PRR16: variants seen among roughly 807,000 people sequenced by gnomAD.
The protein encoded by PRR16 is protein Largen.
PRR16 carries 6 observed loss-of-function variants against 18.2 expected under a neutral mutation model. That is an observed-to-expected ratio of 0.33 (90% confidence interval 0.18 to 0.65). PRR16 has a LOEUF of 0.65. PRR16 is among the 30% of genes least tolerant of loss of function. The pLI is 0.74. For synonymous variants in PRR16, 151 were observed against 147.8 expected (o/e 1.02, Z -0.16); for missense variants, 412 against 376.6 (o/e 1.09, Z -0.78).
intron 1 of PRR16, among the ~76,000 whole-genome samples, chr5:120,492,222 C>A (rs1342722096): frequency 6.7e-6 from 1 of 150,234 alleles, no homozygotes; most frequent in African/African-American, 2.5e-5. Flanking sequence ...GTAGCTGAGA[C>A]TGCAGGCATG....
At chr5:120,508,423 G>C (rs1750714701) in intron 1 of PRR16, among the ~76,000 whole-genome samples, 1 of 152,080 alleles carries the variant, frequency 6.6e-6, no homozygotes, top group Non-Finnish European at 1.5e-5. Context: ...ATAACTTAAA[G>C]GAGAATGTGT....
At chr5:120,766,345 T>C in the PRR16 span, among the ~76,000 whole-genome samples, 6,746 of 152,046 alleles carry the variant, frequency 0.044, 513 homozygotes, top group African/African-American at 0.15. Flanking sequence ...TTTCTTTTTC[T>C]TAATAAAGTT....
chr5:120,642,018 C>G (rs1755439197), intron 1 of PRR16, among the ~76,000 whole-genome samples: 1 of 152,034 alleles, frequency 6.6e-6, no homozygotes, highest in Non-Finnish European at 1.5e-5. Context: ...CTGTAGCCTT[C>G]CTTTTCTCTT....
intron 1 of PRR16, among the ~76,000 whole-genome samples, chr5:120,676,869 T>C (rs1277033004): frequency 2.6e-5 from 4 of 152,162 alleles, no homozygotes; most frequent in East Asian, 1.9e-4. Flanking sequence ...ATAATGGACA[T>C]TGGACATTTT....
chr5:120,663,421 A>T (rs1328464694), intron 1 of PRR16, among the ~76,000 whole-genome samples: 2 of 151,280 alleles, frequency 1.3e-5, no homozygotes, highest in Non-Finnish European at 2.9e-5. Context: ...GCTGTTGAAA[A>T]GGTTAAAAAG....
chr5:120,488,983 G>A (rs1749919842), intron 1 of PRR16, among the ~76,000 whole-genome samples: 1 of 152,122 alleles, frequency 6.6e-6, no homozygotes, highest in Non-Finnish European at 1.5e-5. Flanking sequence ...TCTTAATCCT[G>A]AGTTCTAGTT....
At chr5:120,608,054 T>A (rs1481929260) in intron 1 of PRR16, among the ~76,000 whole-genome samples, 1 of 152,204 alleles carries the variant, frequency 6.6e-6, no homozygotes, top group Non-Finnish European at 1.5e-5. Flanking sequence ...ATAATTTGGC[T>A]ACATGTTCTT....
chr5:120,682,332 G>C (rs1476010598), intron 1 of PRR16, among the ~76,000 whole-genome samples: 1 of 152,156 alleles, frequency 6.6e-6, no homozygotes, highest in Non-Finnish European at 1.5e-5. Context: ...CAGAGCGCTT[G>C]AGCTAGTTGC....
intron 1 of PRR16, among the ~76,000 whole-genome samples, chr5:120,569,084 TA>T (rs1752824101): frequency 6.6e-6 from 1 of 152,094 alleles, no homozygotes; most frequent in Non-Finnish European, 1.5e-5. Context: ...CTCTAATCAG[TA>T]TCCTGTTTTT....
intron 1 of PRR16, among the ~76,000 whole-genome samples, chr5:120,652,190 T>C (rs1474893951): frequency 6.6e-6 from 1 of 152,180 alleles, no homozygotes; most frequent in East Asian, 1.9e-4. Flanking sequence ...TGATCATCGA[T>C]TTAGATGATT....
chr5:120,789,710 G>A, the PRR16 span, among the ~76,000 whole-genome samples: 1 of 151,780 alleles, frequency 6.6e-6, no homozygotes, highest in East Asian at 1.9e-4. Context: ...TTTAATTTAG[G>A]TATAATCATA....
chr5:120,765,608 TTTTAAAAACC>T, the PRR16 span, among the ~76,000 whole-genome samples: 7 of 152,068 alleles, frequency 4.6e-5, no homozygotes, highest in African/African-American at 1.4e-4. Flanking sequence ...TTTTATCCAT[TTTTAAAAACC>T]TTTATTGAAT....
intron 1 of PRR16, among the ~76,000 whole-genome samples, chr5:120,616,444 TAG>T (rs1754514117): frequency 6.6e-6 from 1 of 152,188 alleles, no homozygotes; most frequent in Non-Finnish European, 1.5e-5. Context: ...CTTTGTCATG[TAG>T]ATTTAGTGTA....
intron 1 of PRR16, among the ~76,000 whole-genome samples, chr5:120,533,033 C>A (rs57412049): frequency 1.3e-5 from 2 of 152,160 alleles, no homozygotes; most frequent in Admixed American, 6.5e-5. Flanking sequence ...TTGCATCCCC[C>A]CTTCATCTCT....
At chr5:120,502,071 T>C (rs1283073373) in intron 1 of PRR16, among the ~76,000 whole-genome samples, 1 of 150,788 alleles carries the variant, frequency 6.6e-6, no homozygotes, top group East Asian at 1.9e-4. Context: ...AAAGTGTGAA[T>C]TGGAACAACA....
intron 1 of PRR16, among the ~76,000 whole-genome samples, chr5:120,506,044 A>G (rs1006953465): frequency 2.6e-5 from 4 of 151,498 alleles, no homozygotes; most frequent in Middle Eastern, 3.4e-3. Context: ...AGCCTGTATC[A>G]TATGACAACC....
the PRR16 span, among the ~76,000 whole-genome samples, chr5:120,695,044 T>G: frequency 6.6e-6 from 1 of 152,334 alleles, no homozygotes. Context: ...GTCCTATGGT[T>G]ACAGTGATTT....
intron 1 of PRR16, among the ~76,000 whole-genome samples, chr5:120,469,524 C>G (rs561949049): frequency 1.3e-5 from 2 of 151,696 alleles, no homozygotes; most frequent in African/African-American, 4.8e-5. Flanking sequence ...GAGATGGTGT[C>G]TTGCCATATT....
intron 1 of PRR16, among the ~76,000 whole-genome samples, chr5:120,614,976 C>G (rs1754457969): frequency 6.6e-6 from 1 of 151,970 alleles, no homozygotes; most frequent in Non-Finnish European, 1.5e-5. Flanking sequence ...ATTCTTCATT[C>G]AAGTGCTCTG....
Sources: gnomAD v4.1 joint callset for allele counts (sites outside exome capture counted in the v4.1 genomes callset) on GRCh38, gnomAD v4.1.1 for gene constraint, MANE v1.5 for transcripts, NCBI Gene and HGNC (gene_info 2026-07-23, HGNC 2026-07-21) for gene names.